Variants in FRMD4B observed in about 807,000 individuals in gnomAD.
The protein encoded by FRMD4B is FERM domain-containing protein 4B.
Under a neutral mutation model 141.5 loss-of-function variants are expected in FRMD4B, and 74 were observed. The observed-to-expected ratio is 0.52, with a 90% CI of 0.43 to 0.63. The LOEUF is 0.63. FRMD4B is among the 30% of genes least tolerant of loss of function. The pLI is 0.00. For missense variants in FRMD4B, 1,366 were observed against 1,253.4 expected (o/e 1.09, Z -1.36); for synonymous variants, 506 against 467.9 (o/e 1.08, Z -1.05).
At chr3:69,367,147 G>A (rs1330898235) in intron 1 of FRMD4B, among the ~76,000 whole-genome samples, 2 of 152,144 alleles carry the variant, frequency 1.3e-5, no homozygotes, top group East Asian at 3.9e-4. Flanking sequence ...TGGACACAAA[G>A]TTAAATTAAA....
intron 2 of FRMD4B, among the ~76,000 whole-genome samples, chr3:69,407,744 G>A (rs1480995430): frequency 6.6e-6 from 1 of 152,216 alleles, no homozygotes; most frequent in Non-Finnish European, 1.5e-5. Context: ...GGGAAAGAGT[G>A]CTATGATTGA....
chr3:69,492,290 A>G (rs1193947124), intron 1 of FRMD4B, among the ~76,000 whole-genome samples: 2 of 152,202 alleles, frequency 1.3e-5, no homozygotes, highest in Non-Finnish European at 2.9e-5. Flanking sequence ...CTGGTGAACA[A>G]GGGCCAGCGA....
At chr3:69,312,595 A>G (rs1371820025) in intron 2 of FRMD4B, among the ~76,000 whole-genome samples, 1 of 152,180 alleles carries the variant, frequency 6.6e-6, no homozygotes, top group Non-Finnish European at 1.5e-5. Context: ...GAGAAGCATC[A>G]ACAATAAAAA....
intron 5 of FRMD4B, among the ~76,000 whole-genome samples, chr3:69,275,150 C>T (rs1418437690): frequency 6.6e-6 from 1 of 152,076 alleles, no homozygotes; most frequent in African/African-American, 2.4e-5. Context: ...AATGTATGCA[C>T]AAAAGAAATA....
Position 69,218,396 on chromosome 3 carries a change from T to A in FRMD4B, c.732-17A>T. The A allele has an allele frequency of 1.7e-6, 2 of 1,186,808 alleles. No homozygotes were observed. Among genetic ancestry groups the A allele is most frequent in the Non-Finnish European group, 2.5e-6 (2 of 806,370 alleles). The allele number at this position is 1,186,808 out of a possible 1,614,324, so 73.5% of individuals were successfully genotyped here. A position where few individuals can be genotyped will look rare whatever the true frequency, so the allele number is the denominator to read the frequency against. Reference sequence around the variant, plus strand: ...TTCATATACCTATGGAAAATAAATATGTATCACAATCTTATTAAAATAGTT... The same window carrying A: ...TTCATATACCTATGGAAAATAAATAAGTATCACAATCTTATTAAAATAGTT... On this transcript the variant is annotated splice_polypyrimidine_tract_variant and intron_variant, in intron 9 of 22. Coordinates refer to ENST00000398540, the MANE Select transcript of FRMD4B (RefSeq NM_015123.3).
At chr3:69,247,319 A>G (rs1409130579) in intron 7 of FRMD4B, among the ~76,000 whole-genome samples, 1 of 152,118 alleles carries the variant, frequency 6.6e-6, no homozygotes, top group African/African-American at 2.4e-5. Context: ...CAATCCATTG[A>G]GTGTGAGCTT....
At chr3:69,230,126 CCGCCA>C (rs1445252994) in intron 7 of FRMD4B, among the ~76,000 whole-genome samples, 2 of 152,046 alleles carry the variant, frequency 1.3e-5, no homozygotes, top group Admixed American at 1.3e-4. Flanking sequence ...CAGGCGCCCT[CCGCCA>C]CGCCTGGCTA....
intron 3 of FRMD4B, chr3:69,310,302 T>G: frequency 2.7e-6 from 1 of 369,026 alleles, no homozygotes. Context: ...AACTCCTTCT[T>G]GAGATGATTT....
intron 1 of FRMD4B, chr3:69,432,796 G>A (rs1705201273): frequency 6.6e-6 from 1 of 152,154 alleles, no homozygotes; most frequent in Non-Finnish European, 1.5e-5. Context: ...CTTAATTTCT[G>A]TAGGCACAGG....
chr3:69,423,323 G>A (rs763917047), intron 2 of FRMD4B, among the ~76,000 whole-genome samples: 3 of 152,012 alleles, frequency 2.0e-5, no homozygotes, highest in Non-Finnish European at 4.4e-5. Flanking sequence ...CTTTGCTCGA[G>A]GTATTTTTGC....
rs562286310 is a variant in FRMD4B at position 69,456,398 on chromosome 3, AATG to A, written c.-128-23640_-128-23638del. On this transcript the variant is annotated intron_variant, in intron 1 of 5. Transcript: ENST00000459638. ...TTCAAGGAATTTACCCTAAGGAAAAAATGATGGTTTTTCATAAAGCCTTAGTCC... is the reference window on the plus strand; with the variant it reads ...TTCAAGGAATTTACCCTAAGGAAAAAATGGTTTTTCATAAAGCCTTAGTCC... Among the ~76,000 whole-genome samples, 61 of 152,314 alleles carry A rather than the reference AATG, an allele frequency of 4.0e-4. No individual in the cohort carries two copies. In the South Asian group the frequency reaches 6.8e-3, roughly 17 times the overall value.
intron 1 of FRMD4B, among the ~76,000 whole-genome samples, chr3:69,508,270 T>C (rs1706632039): frequency 6.6e-6 from 1 of 152,226 alleles, no homozygotes; most frequent in Non-Finnish European, 1.5e-5. Flanking sequence ...GAGGTTAATA[T>C]CTAGTTGGAA....
intron 4 of FRMD4B, among the ~76,000 whole-genome samples, chr3:69,290,872 T>C (rs867618014): frequency 1.3e-5 from 2 of 152,022 alleles, no homozygotes; most frequent in Admixed American, 1.3e-4. Context: ...TTAACCAACA[T>C]CTCCTCCTGG....
intron 12 of FRMD4B, chr3:69,197,662 A>T (rs1419060138): frequency 1.3e-5 from 2 of 152,302 alleles, no homozygotes; most frequent in African/African-American, 4.8e-5. Flanking sequence ...AGAGAAAGAA[A>T]GAGAGAACAG....
At chr3:69,210,889 T>A (rs1185732346) in intron 11 of FRMD4B, among the ~76,000 whole-genome samples, 2 of 152,004 alleles carry the variant, frequency 1.3e-5, no homozygotes, top group East Asian at 3.9e-4. Flanking sequence ...GGCGCATGCC[T>A]GTAATCCCAG....
intron 5 of FRMD4B, among the ~76,000 whole-genome samples, chr3:69,263,333 C>T (rs1003428194): frequency 1.7e-4 from 25 of 149,912 alleles, no homozygotes; most frequent in Admixed American, 2.7e-4. Flanking sequence ...ATGTGAGGGG[C>T]TTCTTGGGTG....
At chr3:69,506,410 G>C (rs943217587) in intron 1 of FRMD4B, among the ~76,000 whole-genome samples, 16 of 151,550 alleles carry the variant, frequency 1.1e-4, no homozygotes, top group South Asian at 4.2e-4. Flanking sequence ...AGGCATAGTT[G>C]TGCTGTGCAT....
At chr3:69,414,433 T>A (rs376332269) in intron 2 of FRMD4B, among the ~76,000 whole-genome samples, 3 of 152,262 alleles carry the variant, frequency 2.0e-5, no homozygotes, top group African/African-American at 7.2e-5. Context: ...ATGCATCATG[T>A]AAGAGATGGT....
chr3:69,425,715 T>C (rs1409462093), intron 2 of FRMD4B, among the ~76,000 whole-genome samples: 1 of 152,216 alleles, frequency 6.6e-6, no homozygotes, highest in Non-Finnish European at 1.5e-5. Flanking sequence ...ACAAAGTAGA[T>C]GCACAATAAT....
Sources: gnomAD v4.1 joint callset for allele counts (sites outside exome capture counted in the v4.1 genomes callset) on GRCh38, gnomAD v4.1.1 for gene constraint, MANE v1.5 for transcripts, NCBI Gene and HGNC (gene_info 2026-07-23, HGNC 2026-07-21) for gene names.